CPNE5: variants seen among roughly 807,000 people sequenced by gnomAD.
The protein encoded by CPNE5 is copine-5.
CPNE5 carries 42 observed loss-of-function variants against 81.1 expected under a neutral mutation model. The observed-to-expected ratio is 0.52, with a 90% CI of 0.40 to 0.67. CPNE5 has a LOEUF of 0.67. Ranked by LOEUF, CPNE5 falls within the 30% of genes least tolerant of loss-of-function variation. The pLI, the probability that CPNE5 is intolerant of heterozygous loss-of-function variation, is 0.00. For synonymous variants in CPNE5, 313 were observed against 321.5 expected (o/e 0.97, Z 0.28); for missense variants, 612 against 815.5 (o/e 0.75, Z 3.04).
chr6:36,784,630 C>T (rs1169912928), intron 8 of CPNE5, among the ~76,000 whole-genome samples: 2 of 152,178 alleles, frequency 1.3e-5, no homozygotes, highest in African/African-American at 4.8e-5. Flanking sequence ...GAGAGTCGTG[C>T]TCTCTGAGCA....
chr6:36,780,192 T>C (rs1164169873), intron 8 of CPNE5, among the ~76,000 whole-genome samples: 1 of 152,142 alleles, frequency 6.6e-6, no homozygotes, highest in Non-Finnish European at 1.5e-5. Context: ...CTCGATATTC[T>C]GACCTCATGA....
intron 14 of CPNE5, among the ~76,000 whole-genome samples, chr6:36,749,087 C>T (rs1032119342): frequency 2.0e-5 from 3 of 151,930 alleles, no homozygotes; most frequent in Admixed American, 2.0e-4. Context: ...CAGGCACGCA[C>T]CACCACACCT....
intron 1 of CPNE5, among the ~76,000 whole-genome samples, chr6:36,825,234 T>C (rs1206239160): frequency 6.6e-6 from 1 of 152,080 alleles, no homozygotes; most frequent in Non-Finnish European, 1.5e-5. Flanking sequence ...AATCAACAGA[T>C]GGACAAACGC....
chr6:36,767,193 G>T (rs999405662), intron 10 of CPNE5, among the ~76,000 whole-genome samples: 2 of 152,214 alleles, frequency 1.3e-5, no homozygotes, highest in African/African-American at 4.8e-5. Flanking sequence ...TTCAATCAGG[G>T]ACACTTGAGC....
At chr6:36,809,774 G>A (rs148354885) in intron 3 of CPNE5, among the ~76,000 whole-genome samples, 124 of 151,970 alleles carry the variant, frequency 8.2e-4, no homozygotes, top group African/African-American at 2.8e-3. Context: ...GGATGCTGAC[G>A]GGTACCCCAG....
At chr6:36,774,108 G>C (rs1048075501) in intron 10 of CPNE5, among the ~76,000 whole-genome samples, 3 of 151,146 alleles carry the variant, frequency 2.0e-5, no homozygotes, top group African/African-American at 4.9e-5. Context: ...AATCTGCCAG[G>C]CATGGTGGTT....
chr6:36,810,412 C>G (rs1173401318), intron 3 of CPNE5, among the ~76,000 whole-genome samples: 1 of 152,240 alleles, frequency 6.6e-6, no homozygotes, highest in East Asian at 1.9e-4. Flanking sequence ...CTGCAGAGCC[C>G]AGCCCTGGCC....
intron 8 of CPNE5, among the ~76,000 whole-genome samples, chr6:36,783,668 G>A (rs769323564): frequency 1.3e-5 from 2 of 152,024 alleles, no homozygotes; most frequent in Non-Finnish European, 2.9e-5. Context: ...CATGCCCCAT[G>A]CCCAGCTAGA....
At chr6:36,829,187 C>T (rs1772772962) in intron 1 of CPNE5, among the ~76,000 whole-genome samples, 1 of 152,088 alleles carries the variant, frequency 6.6e-6, no homozygotes. Flanking sequence ...GACAGGAGAG[C>T]CAAGGTCAGG....
At position 36,742,192 on chromosome 6, in the gene CPNE5, C is replaced by G; in HGVS notation, c.*76G>C. 8.1e-7 allele frequency: 1 copy of G among 1,230,978 alleles called. No individual in the cohort carries two copies. Among genetic ancestry groups the G allele is most frequent in the South Asian group, 1.4e-5 (1 of 70,128 alleles). The allele number at this position is 1,230,978 out of a possible 1,614,324, so 76.3% of individuals were successfully genotyped here. A position where few individuals can be genotyped will look rare whatever the true frequency, so the allele number is the denominator to read the frequency against. On this transcript the variant is annotated 3_prime_UTR_variant, in exon 21 of 21. Transcript: ENST00000244751. ...TCCCAAAGGCCGGGCAGGCCAACTT[C>G]GGGGAGTCTGGGGCCCTGGCCTCCC...
intron 8 of CPNE5, among the ~76,000 whole-genome samples, chr6:36,783,446 T>C (rs1768234869): frequency 6.6e-6 from 1 of 151,762 alleles, no homozygotes; most frequent in African/African-American, 2.4e-5. Flanking sequence ...ATGTTATATG[T>C]ATTAATTCAT....
At position 36,747,025 on chromosome 6, in the gene CPNE5, C is replaced by T. The variant is rs116018640; in HGVS notation, c.1019-448G>A. 3.6e-3 allele frequency among the ~76,000 whole-genome samples: 549 copies of T among 152,226 alleles called. 4 individuals carry two copies. The highest frequency in any genetic ancestry group is 0.013 in the African/African-American group (522 of 41,516). Reference sequence around the variant, plus strand: ...ATCTCCTACCCTCCTCCCTGTCACTCGCCAGTCCCAGCCTCACCAGCCCCT... The same window carrying T: ...ATCTCCTACCCTCCTCCCTGTCACTTGCCAGTCCCAGCCTCACCAGCCCCT... On this transcript the variant is annotated intron_variant, in intron 15 of 20. Coordinates refer to ENST00000244751, the MANE Select transcript of CPNE5 (RefSeq NM_020939.2).
In CPNE5 at chr6:36,811,603, A is replaced by C. The variant is rs528301914; in HGVS notation, c.183+10511T>G. Among the ~76,000 whole-genome samples, 4 of 152,296 alleles carry C rather than the reference A, an allele frequency of 2.6e-5. No individual in the cohort carries two copies. In the East Asian group the frequency reaches 7.7e-4, roughly 29 times the overall value. On this transcript the variant is annotated intron_variant, in intron 3 of 20. Coordinates refer to ENST00000244751, the MANE Select transcript of CPNE5 (RefSeq NM_020939.2). ...GACACTAACACTGAAAAGCAAATAG[A>C]TCTATCAGCCACCAGGGGACCTGGC...
intron 3 of CPNE5, among the ~76,000 whole-genome samples, chr6:36,820,841 C>T (rs931411816): frequency 7.9e-5 from 12 of 151,816 alleles, no homozygotes; most frequent in African/African-American, 2.2e-4. Flanking sequence ...CCTAAATACC[C>T]GAAGCTGAGG....
At chr6:36,784,608 C>T in intron 8 of CPNE5, among the ~76,000 whole-genome samples, 1 of 152,188 alleles carries the variant, frequency 6.6e-6, no homozygotes. Context: ...AGCTATTTGA[C>T]AGCCTCAGCC....
chr6:36,815,952 GA>G (rs1187773614), intron 3 of CPNE5, among the ~76,000 whole-genome samples: 4 of 152,208 alleles, frequency 2.6e-5, no homozygotes, highest in African/African-American at 7.2e-5. Flanking sequence ...CCTGGTGAGG[GA>G]GGGGCAGGGA....
intron 3 of CPNE5, among the ~76,000 whole-genome samples, chr6:36,807,318 T>C (rs2150550674): frequency 6.6e-6 from 1 of 152,330 alleles, no homozygotes; most frequent in Non-Finnish European, 1.5e-5. Context: ...CTTGGGCAAA[T>C]GCCTTTACCT....
chr6:36,822,803 C>G (rs1389033980), intron 2 of CPNE5, among the ~76,000 whole-genome samples: 2 of 152,166 alleles, frequency 1.3e-5, no homozygotes, highest in Non-Finnish European at 2.9e-5. Flanking sequence ...CTCTGGGACC[C>G]TGTAGCCCCA....
At chr6:36,749,761 G>A (rs189537097) in intron 14 of CPNE5, among the ~76,000 whole-genome samples, 44 of 152,310 alleles carry the variant, frequency 2.9e-4, no homozygotes, top group African/African-American at 1.0e-3. Context: ...AATGGCTGAA[G>A]CTGGGTGAAG....
Sources: allele counts gnomAD v4.1 joint callset (sites outside exome capture counted in the v4.1 genomes callset), GRCh38; gene constraint gnomAD v4.1.1; transcripts MANE v1.5; gene names NCBI Gene and HGNC (gene_info 2026-07-23, HGNC 2026-07-21).